DPP10: variants seen among roughly 807,000 people sequenced by gnomAD.
DPP10 encodes the protein dipeptidyl peptidase like 10.
DPP10 carries 33 observed loss-of-function variants against 120.9 expected under a neutral mutation model. The ratio of observed to expected loss-of-function variants is 0.27; its 90% confidence interval spans 0.21 to 0.37. The LOEUF is 0.37. Ranked by LOEUF, DPP10 falls within the 10% of genes least tolerant of loss-of-function variation. The pLI is 1.00. For synonymous variants in DPP10, 337 were observed against 326.1 expected (o/e 1.03, Z -0.36); for missense variants, 816 against 942.8 (o/e 0.87, Z 1.76).
intron 1 of DPP10, among the ~76,000 whole-genome samples, chr2:114,803,424 G>A (rs961461915): frequency 6.6e-6 from 1 of 152,206 alleles, no homozygotes; most frequent in African/African-American, 2.4e-5. Context: ...AGAGGTAGAG[G>A]TTGGACCAGA....
intron 1 of DPP10, among the ~76,000 whole-genome samples, chr2:114,477,838 AAT>A (rs1385059374): frequency 2.3e-5 from 2 of 88,556 alleles, no homozygotes; most frequent in Admixed American, 3.2e-4. Context: ...TATGTACATA[AAT>A]ATATGCATGT....
chr2:114,861,495 A>G (rs541645705), intron 1 of DPP10, among the ~76,000 whole-genome samples: 2 of 152,336 alleles, frequency 1.3e-5, no homozygotes, highest in South Asian at 2.1e-4. Flanking sequence ...TTACCAATAA[A>G]TAAAATATTA....
chr2:114,443,298 G>A lies in DPP10; in HGVS notation c.60+460G>A, dbSNP rs144929671. On this transcript the variant is annotated intron_variant, in intron 1 of 25. Transcript: ENST00000410059. ...CCTTCATTGTGAGCATTGAACTGGT[G>A]GTTATACTAAAGTGATTATAGTGAG... is the stretch of plus-strand genomic sequence containing the variant. Among the ~76,000 whole-genome samples, 488 of 152,180 alleles carry A rather than the reference G, an allele frequency of 3.2e-3. 1 individual carries two copies. The highest frequency in any genetic ancestry group is 0.011 in the African/African-American group (468 of 41,502).
chr2:114,769,331 G>A (rs319853), intron 1 of DPP10, among the ~76,000 whole-genome samples: 85,945 of 151,688 alleles, frequency 0.57, 24,808 homozygotes, highest in African/African-American at 0.66. Flanking sequence ...TATTTGTACC[G>A]GAAAATCTGC....
intron 1 of DPP10, among the ~76,000 whole-genome samples, chr2:114,963,591 G>A (rs1407781743): frequency 6.6e-6 from 1 of 152,168 alleles, no homozygotes; most frequent in Non-Finnish European, 1.5e-5. Context: ...CTGTGCCAAT[G>A]TAAATAGGCC....
chr2:115,250,012 T>C (rs892318326), intron 1 of DPP10, among the ~76,000 whole-genome samples: 1 of 152,204 alleles, frequency 6.6e-6, no homozygotes, highest in Admixed American at 6.5e-5. Flanking sequence ...AGAATTGGAA[T>C]GCTCTTGGCT....
At chr2:115,185,877 G>A (rs538506407) in intron 1 of DPP10, among the ~76,000 whole-genome samples, 1 of 152,290 alleles carries the variant, frequency 6.6e-6, no homozygotes, top group East Asian at 1.9e-4. Flanking sequence ...TAATGCAAGT[G>A]TGTTGTGCTA....
At chr2:115,434,378 A>T (rs902765388) in intron 3 of DPP10, among the ~76,000 whole-genome samples, 3 of 151,922 alleles carry the variant, frequency 2.0e-5, no homozygotes, top group African/African-American at 7.2e-5. Context: ...CACACATTGA[A>T]TTGGGTCCTG....
intron 8 of DPP10, among the ~76,000 whole-genome samples, chr2:115,731,781 G>A (rs1476993603): frequency 1.3e-5 from 2 of 152,158 alleles, no homozygotes; most frequent in Non-Finnish European, 2.9e-5. Context: ...TCATCCTACT[G>A]TCCATGGACT....
intron 1 of DPP10, among the ~76,000 whole-genome samples, chr2:115,026,108 C>A (rs571381615): frequency 6.6e-6 from 1 of 152,082 alleles, no homozygotes; most frequent in African/African-American, 2.4e-5. Context: ...GAAAAATATA[C>A]TAGAACATTT....
intron 1 of DPP10, chr2:114,828,428 T>G (rs1384852343): frequency 6.6e-6 from 1 of 152,216 alleles, no homozygotes; most frequent in Admixed American, 6.5e-5. Context: ...ACATGACATA[T>G]TTCTACATGC....
At chr2:115,266,588 A>G (rs1212898112) in intron 1 of DPP10, among the ~76,000 whole-genome samples, 2 of 152,206 alleles carry the variant, frequency 1.3e-5, no homozygotes, top group Non-Finnish European at 2.9e-5. Flanking sequence ...TTTTAAAAGC[A>G]TTATTCCAAG....
chr2:115,276,335 G>A (rs2059921330), intron 1 of DPP10, among the ~76,000 whole-genome samples: 1 of 152,024 alleles, frequency 6.6e-6, no homozygotes, highest in Non-Finnish European at 1.5e-5. Flanking sequence ...AGCCTGTAGA[G>A]AATCAAAGGC....
chr2:114,802,559 G>T (rs1293145959), intron 1 of DPP10, among the ~76,000 whole-genome samples: 1 of 152,116 alleles, frequency 6.6e-6, no homozygotes, highest in Admixed American at 6.5e-5. Context: ...AAATAACCGA[G>T]GTTGGTTTTC....
chr2:115,810,031 C>T (rs1272064095), intron 19 of DPP10, among the ~76,000 whole-genome samples: 4 of 151,896 alleles, frequency 2.6e-5, no homozygotes, highest in Admixed American at 6.6e-5. Flanking sequence ...GGCATGGTGG[C>T]GGGAGCCTGT....
intron 4 of DPP10, 71 bp downstream of exon 4, chr2:115,499,675 T>C (rs1393539244): frequency 8.1e-6 from 9 of 1,106,902 alleles, no homozygotes; most frequent in Non-Finnish European, 1.2e-5. Flanking sequence ...TGTACATAAC[T>C]TTCTATTCTT....
intron 1 of DPP10, among the ~76,000 whole-genome samples, chr2:115,013,007 T>C (rs1702373325): frequency 6.6e-6 from 1 of 152,348 alleles, no homozygotes; most frequent in East Asian, 1.9e-4. Flanking sequence ...TTAAGGTTAA[T>C]ACTGTTAAGT....
intron 1 of DPP10, among the ~76,000 whole-genome samples, chr2:115,270,890 T>A (rs951680807): frequency 1.6e-4 from 24 of 152,090 alleles, no homozygotes; most frequent in Admixed American, 1.2e-3. Flanking sequence ...TTTATATTGT[T>A]TTTTTTTAAG....
At position 115,598,188 on chromosome 2, in the gene DPP10, CT is replaced by C. The variant is rs149818430; in HGVS notation, c.441+72224del. Among the ~76,000 whole-genome samples the C allele has an allele frequency of 2.6e-5, 4 of 151,334 alleles. No individual in the cohort carries two copies. The South Asian group carries it at 6.3e-4, about 24-fold the overall frequency. On this transcript the variant is annotated intron_variant, in intron 5 of 25. Coordinates refer to ENST00000410059, the MANE Select transcript of DPP10 (RefSeq NM_020868.6). The stretch of plus-strand genomic sequence containing the variant: ...TAGCATATATTGGGGTCTTATGGGC[CT>C]TTTTTTTAATATTTGAACATAATCT...
Sources: allele counts gnomAD v4.1 joint callset (sites outside exome capture counted in the v4.1 genomes callset), GRCh38; gene constraint gnomAD v4.1.1; transcripts MANE v1.5; gene names NCBI Gene and HGNC (gene_info 2026-07-23, HGNC 2026-07-21).